Variants in RAB19 observed in about 807,000 individuals in gnomAD.
The protein encoded by RAB19 is ras-related protein Rab-19.
In RAB19, 21 loss-of-function variants were observed where a neutral mutation model predicts 17.3. The observed-to-expected ratio is 1.21, with a 90% CI of 0.86 to 1.74. The LOEUF (loss-of-function observed/expected upper bound fraction) is 1.74. Ranked by LOEUF, RAB19 falls within the 40% of genes most tolerant of loss-of-function variation. The pLI, the probability that RAB19 is intolerant of heterozygous loss-of-function variation, is 0.00. For synonymous variants in RAB19, 126 were observed against 110.4 expected, an observed-to-expected ratio of 1.14 and a Z score of -0.88; for missense variants, 277 against 286.8, an observed-to-expected ratio of 0.97 and a Z score of 0.25.
In RAB19 at chr7:140,417,238, A is replaced by AG. The variant is rs1181434241; in HGVS notation, c.385+5181_385+5182insG. 3.3e-5 allele frequency among the ~76,000 whole-genome samples: 5 copies of AG among 150,338 alleles called. No individual in the cohort carries two copies. In the East Asian group the frequency reaches 9.8e-4, roughly 29 times the overall value. ...GTGACAGAGCGAGACTCTGTCTCAA[A>AG]AAAAAAAAAAAAAATTAGCTGGACT... is the stretch of plus-strand genomic sequence containing the variant. On this transcript the variant is annotated intron_variant, in intron 3 of 3. Transcript: ENST00000537763.
chr7:140,411,479 GGAA>G (rs1297529896), intron 2 of RAB19, among the ~76,000 whole-genome samples: 2 of 151,286 alleles, frequency 1.3e-5, no homozygotes, highest in African/African-American at 4.9e-5. Flanking sequence ...GGGCCATGTT[GGAA>G]GAAGAATTGT....
At chr7:140,406,248 C>CAAA (rs56928355) in intron 1 of RAB19, among the ~76,000 whole-genome samples, 25 of 80,816 alleles carry the variant, frequency 3.1e-4, no homozygotes, top group African/African-American at 4.6e-4. Context: ...AACTCTGTCT[C>CAAA]AAAAAAAAAA....
chr7:140,412,147 A>G, intron 3 of RAB19, 90 bp downstream of exon 3: 1 of 1,346,332 alleles, frequency 7.4e-7, no homozygotes, highest in Non-Finnish European at 1.0e-6. Flanking sequence ...TGGAAAATGA[A>G]ATCTTAAAAG....
chr7:140,427,065 C>T lies in RAB19; in HGVS notation c.*915C>T, dbSNP rs1392318546. On this transcript the variant is annotated 3_prime_UTR_variant, in exon 4 of 4. Coordinates refer to ENST00000537763, the MANE Select transcript of RAB19 (RefSeq NM_001008749.3). ...CCATGTTGCTCAGGCTGATCTTGAA[C>T]TCCTGAGCTCAGGTGATCTGCCCAC... Among the ~76,000 whole-genome samples, 2 of 151,490 alleles carry T rather than the reference C, an allele frequency of 1.3e-5. No homozygotes were observed. Among genetic ancestry groups the T allele is most frequent in the Non-Finnish European group, 2.9e-5 (2 of 67,934 alleles).
chr7:140,411,075 G>A, intron 2 of RAB19: 4 of 1,367,762 alleles, frequency 2.9e-6, no homozygotes, highest in Non-Finnish European at 2.9e-6. Flanking sequence ...CAGGAGAAAA[G>A]GCAAAGAACA....
At chr7:140,417,826 T>A (rs1365798944) in intron 3 of RAB19, among the ~76,000 whole-genome samples, 1 of 152,192 alleles carries the variant, frequency 6.6e-6, no homozygotes, top group African/African-American at 2.4e-5. Flanking sequence ...GTGCCTCACC[T>A]TTTCCTGCCT....
At chr7:140,422,065 A>G (rs897289531) in intron 3 of RAB19, among the ~76,000 whole-genome samples, 1 of 152,078 alleles carries the variant, frequency 6.6e-6, no homozygotes, top group Non-Finnish European at 1.5e-5. Flanking sequence ...CTGTATAAAG[A>G]TCTAATTGTC....
chr7:140,407,541 A>C, intron 1 of RAB19, 83 bp from the exon 2 acceptor site: 5 of 929,794 alleles, frequency 5.4e-6, no homozygotes, highest in Non-Finnish European at 6.9e-6. Flanking sequence ...AGGATGTAGC[A>C]CTGTGAAGGT....
intron 3 of RAB19, among the ~76,000 whole-genome samples, chr7:140,418,181 A>G (rs1799493471): frequency 6.6e-6 from 1 of 152,168 alleles, no homozygotes; most frequent in African/African-American, 2.4e-5. Flanking sequence ...TTATTGGGAC[A>G]TATTAATGTA....
At position 140,407,926 on chromosome 7, in the gene RAB19, G is replaced by A. The variant is rs1017025212; in HGVS notation, c.201+79G>A. On this transcript the variant is annotated intron_variant, in intron 2 of 3. Coordinates refer to ENST00000537763, the MANE Select transcript of RAB19 (RefSeq NM_001008749.3). ...TTTTTTCCTTGAGACGGAGTCTCGC[G>A]CGATCTCGGCTCACTGCAAGCTCCG... is the stretch of plus-strand genomic sequence containing the variant. 2.8e-5 allele frequency: 30 copies of A among 1,068,120 alleles called. No homozygotes were observed. The African/African-American group carries it at 2.9e-4, about 10-fold the overall frequency. The allele number at this position is 1,068,120 out of a possible 1,614,324, so 66.2% of individuals were successfully genotyped here.
At position 140,424,586 on chromosome 7, in the gene RAB19, CCTCTCTCTCTCTCTCTCT is replaced by C. The variant is rs376517516; in HGVS notation, c.386-1279_386-1262del. ...GGGTGAAGGGTAAACTGGACCTCTC[CCTCTCTCTCTCTCTCTCT>C]CTCTCTCTCTCTCTCTATATATATA... is the stretch of plus-strand genomic sequence containing the variant. On this transcript the variant is annotated intron_variant, in intron 3 of 3. Transcript: ENST00000537763. 6.3e-4 allele frequency among the ~76,000 whole-genome samples: 80 copies of C among 127,632 alleles called. 1 individual carries two copies. Among genetic ancestry groups the C allele is most frequent in the South Asian group, 5.2e-3 (20 of 3,814 alleles). The allele number at this position is 127,632 out of a possible 152,430, so 83.7% of individuals were successfully genotyped here. A position where few individuals can be genotyped will look rare whatever the true frequency, so the allele number is the denominator to read the frequency against.
At chr7:140,405,211 T>TTTTGTTTG (rs61483734) in intron 1 of RAB19, among the ~76,000 whole-genome samples, 7,110 of 150,278 alleles carry the variant, frequency 0.047, 169 homozygotes, top group African/African-American at 0.056. Context: ...GGTTTTGTGT[T>TTTTGTTTG]TTTGTTTGTT....
chr7:140,411,750 C>A, intron 2 of RAB19, 124 bp from the exon 3 acceptor site: 3 of 1,573,622 alleles, frequency 1.9e-6, no homozygotes, highest in Non-Finnish European at 2.6e-6. Flanking sequence ...CACCCCAGAT[C>A]TACTGGGTCT....
chr7:140,424,639 ATG>A (rs1554442795), intron 3 of RAB19, among the ~76,000 whole-genome samples: 1 of 138,362 alleles, frequency 7.2e-6, no homozygotes, highest in Non-Finnish European at 1.5e-5. Flanking sequence ...ATATATATAT[ATG>A]TGTGTGTGTA....
intron 2 of RAB19, 116 bp downstream of exon 2, chr7:140,407,963 C>A (rs1799280115): frequency 2.5e-6 from 2 of 813,600 alleles, no homozygotes; most frequent in East Asian, 5.5e-5. Context: ...CTCCCGGGTT[C>A]ATGCCATTCT....
chr7:140,415,386 T>G (rs1174308270), intron 3 of RAB19, among the ~76,000 whole-genome samples: 3 of 152,160 alleles, frequency 2.0e-5, no homozygotes, highest in African/African-American at 7.2e-5. Flanking sequence ...TCCTGGATGC[T>G]CTGTCTCATA....
intron 1 of RAB19, among the ~76,000 whole-genome samples, chr7:140,404,590 G>T (rs534868640): frequency 6.6e-6 from 1 of 151,894 alleles, no homozygotes; most frequent in African/African-American, 2.4e-5. Flanking sequence ...CATGCAGATT[G>T]GACATTTGAG....
chr7:140,404,934 A>G (rs140692748), intron 1 of RAB19, among the ~76,000 whole-genome samples: 1 of 152,254 alleles, frequency 6.6e-6, no homozygotes, highest in African/African-American at 2.4e-5. Flanking sequence ...ACAGATGGAA[A>G]CCTCATGGAG....
At chr7:140,413,601 TG>T (rs1563071685) in intron 3 of RAB19, among the ~76,000 whole-genome samples, 1 of 151,950 alleles carries the variant, frequency 6.6e-6, no homozygotes, top group Non-Finnish European at 1.5e-5. Context: ...CTTGAGAGGT[TG>T]GGGTGGGGGG....
Sources: gnomAD v4.1 joint callset for allele counts (sites outside exome capture counted in the v4.1 genomes callset) on GRCh38, gnomAD v4.1.1 for gene constraint, MANE v1.5 for transcripts, NCBI Gene and HGNC (gene_info 2026-07-23, HGNC 2026-07-21) for gene names.